Variants in LINGO2 observed in about 807,000 individuals in gnomAD.
The protein encoded by LINGO2 is leucine rich repeat and Ig domain containing 2.
LINGO2 carries 14 observed loss-of-function variants against 30.6 expected under a neutral mutation model. The ratio of observed to expected loss-of-function variants is 0.46; its 90% CI spans 0.30 to 0.72. The LOEUF (loss-of-function observed/expected upper bound fraction) is 0.72. LINGO2 is among the 30% of genes least tolerant of loss of function. The pLI, the probability that LINGO2 is intolerant of heterozygous loss-of-function variation, is 0.07. For synonymous variants in LINGO2, 317 were observed against 288.5 expected (o/e 1.10, Z -1.00); for missense variants, 729 against 751.7 (o/e 0.97, Z 0.35).
At chr9:28,834,823 T>A in the LINGO2 span, among the ~76,000 whole-genome samples, 1 of 152,174 alleles carries the variant, frequency 6.6e-6, no homozygotes, top group Non-Finnish European at 1.5e-5. Context: ...AGAATTTTGT[T>A]CCAACATAGT....
At chr9:28,592,126 A>G (rs921363986) in intron 1 of LINGO2, among the ~76,000 whole-genome samples, 1 of 152,076 alleles carries the variant, frequency 6.6e-6, no homozygotes, top group African/African-American at 2.4e-5. Context: ...AGTGTTGTGG[A>G]ACAAAATCAT....
the LINGO2 span, among the ~76,000 whole-genome samples, chr9:28,772,094 G>A: frequency 6.6e-5 from 10 of 152,060 alleles, no homozygotes; most frequent in South Asian, 4.2e-4. Flanking sequence ...ATTTTTCCCC[G>A]AACATCTAGA....
intron 1 of LINGO2, among the ~76,000 whole-genome samples, chr9:28,572,748 A>G (rs1425367745): frequency 1.3e-5 from 2 of 152,090 alleles, no homozygotes; most frequent in South Asian, 2.1e-4. Flanking sequence ...CCAGACAACT[A>G]CTCCGCGTAT....
chr9:28,539,881 GTTC>G (rs1250334236), intron 1 of LINGO2, among the ~76,000 whole-genome samples: 1 of 152,124 alleles, frequency 6.6e-6, no homozygotes, highest in Non-Finnish European at 1.5e-5. Context: ...ATTAGTCTAT[GTTC>G]AGCAGAGAGT....
intron 2 of LINGO2, among the ~76,000 whole-genome samples, chr9:28,419,814 C>G (rs1286697095): frequency 1.3e-5 from 2 of 150,586 alleles, no homozygotes; most frequent in Non-Finnish European, 3.0e-5. Context: ...ATAATTTTAT[C>G]GGTAAATATA....
chr9:28,245,739 A>T (rs924471193), intron 4 of LINGO2, among the ~76,000 whole-genome samples: 1 of 151,578 alleles, frequency 6.6e-6, no homozygotes, highest in Non-Finnish European at 1.5e-5. Flanking sequence ...CTAAGAAGGG[A>T]TGTGGAGAAA....
Position 28,637,540 on chromosome 9 carries a change from A to C in LINGO2, c.-365+32660T>G, listed in dbSNP as rs370627654. On this transcript the variant is annotated intron_variant, in intron 1 of 5. Transcript: ENST00000379992. ...TCTCCTTGAAGAGGTCCTTCACATCACTTGTAAGTTGGATTCCTAAGTATT... is the reference window on the plus strand; with the variant it reads ...TCTCCTTGAAGAGGTCCTTCACATCCCTTGTAAGTTGGATTCCTAAGTATT... Among the ~76,000 whole-genome samples, 93 of 152,160 alleles carry C rather than the reference A, an allele frequency of 6.1e-4. No individual in the cohort carries two copies. In the East Asian group the frequency reaches 0.013, roughly 22 times the overall value.
chr9:28,276,546 T>C (rs1264372185), intron 4 of LINGO2, among the ~76,000 whole-genome samples: 1 of 152,158 alleles, frequency 6.6e-6, no homozygotes, highest in Non-Finnish European at 1.5e-5. Flanking sequence ...GACTAAAAAA[T>C]ATGTCTGTCT....
At chr9:28,562,216 A>T (rs901317663) in intron 1 of LINGO2, among the ~76,000 whole-genome samples, 2 of 151,966 alleles carry the variant, frequency 1.3e-5, no homozygotes, top group Non-Finnish European at 2.9e-5. Context: ...TTCAGGAAAT[A>T]GAAGGTCTAC....
In LINGO2 at chr9:28,148,846, C is replaced by T; in HGVS notation, c.-86-136441G>A. On this transcript the variant is annotated intron_variant, in intron 4 of 5. Coordinates refer to ENST00000379992, the Ensembl canonical transcript of LINGO2. This position sits in a 1 kb window ranked among gnomAD's most constrained non-coding sequence, Gnocchi z 5.1. ...AGGTGCTGGGTAAAGACCACCTGCC[C>T]AGCTCTCCAGGCTTGCTGATGGTGG... 1.3e-6 allele frequency: 2 copies of T among 1,533,738 alleles called. No individual in the cohort carries two copies. The highest frequency in any genetic ancestry group is 1.2e-5 in the South Asian group (1 of 83,952).
At chr9:28,659,443 T>G (rs1438474) in intron 1 of LINGO2, among the ~76,000 whole-genome samples, 21,142 of 151,864 alleles carry the variant, frequency 0.14, 1,981 homozygotes, top group African/African-American at 0.26. Context: ...TATATACTTT[T>G]TTTTCCTTTT....
At chr9:28,735,889 G>A in the LINGO2 span, among the ~76,000 whole-genome samples, 748 of 152,228 alleles carry the variant, frequency 4.9e-3, 1 homozygote, top group Non-Finnish European at 8.1e-3. Flanking sequence ...TGATAAATAA[G>A]GAGTGTAAGA....
chr9:28,045,229 C>G (rs886959532), intron 4 of LINGO2, among the ~76,000 whole-genome samples: 1 of 151,938 alleles, frequency 6.6e-6, no homozygotes, highest in Non-Finnish European at 1.5e-5. Context: ...AGATGGAAAA[C>G]AAATCTAAAA....
At chr9:29,027,643 T>C in the LINGO2 span, among the ~76,000 whole-genome samples, 3 of 152,152 alleles carry the variant, frequency 2.0e-5, no homozygotes, top group Non-Finnish European at 4.4e-5. Flanking sequence ...AGGCCAGATA[T>C]GAGTTTATAT....
intron 5 of LINGO2, among the ~76,000 whole-genome samples, chr9:28,008,402 G>A (rs532751906): frequency 8.0e-4 from 121 of 151,884 alleles, no homozygotes; most frequent in Non-Finnish European, 1.4e-3. Context: ...TTAAATCAGT[G>A]AACATATCCA....
chr9:28,736,784 C>G, the LINGO2 span, among the ~76,000 whole-genome samples: 1 of 152,092 alleles, frequency 6.6e-6, no homozygotes, highest in Admixed American at 6.6e-5. Context: ...GAGCGAAACT[C>G]TATCACAAAA....
chr9:28,619,684 G>T (rs1225378037), intron 1 of LINGO2, among the ~76,000 whole-genome samples: 1 of 152,012 alleles, frequency 6.6e-6, no homozygotes, highest in Non-Finnish European at 1.5e-5. Context: ...CCCTGTTCTT[G>T]GAGGTGCCAG....
chr9:28,799,842 C>T, the LINGO2 span, among the ~76,000 whole-genome samples: 21 of 152,152 alleles, frequency 1.4e-4, no homozygotes, highest in African/African-American at 4.6e-4. Flanking sequence ...TTACTGAGTA[C>T]ATTAGGAATA....
At chr9:28,333,834 C>A (rs969213786) in intron 3 of LINGO2, among the ~76,000 whole-genome samples, 1 of 152,122 alleles carries the variant, frequency 6.6e-6, no homozygotes, top group African/African-American at 2.4e-5. Flanking sequence ...AGCAGACATT[C>A]TCTCAGTGCA....
Sources: allele counts gnomAD v4.1 joint callset (sites outside exome capture counted in the v4.1 genomes callset), GRCh38; gene constraint gnomAD v4.1.1; non-coding constraint Gnocchi (gnomAD v3.1); transcripts MANE v1.5; gene names NCBI Gene and HGNC (gene_info 2026-07-23, HGNC 2026-07-21).